The following TNNI3K variants were observed in gnomAD, a reference collection of about 807,000 sequenced individuals.
TNNI3K encodes the protein TNNI3 interacting kinase.
TNNI3K carries 140 observed loss-of-function variants against 114.5 expected under a neutral mutation model. The ratio of observed to expected loss-of-function variants is 1.22; its 90% confidence interval spans 1.07 to 1.41. The LOEUF is 1.41. Among genes scored for constraint, TNNI3K ranks in the 40% most tolerant of loss-of-function variants. The probability of loss-of-function intolerance (pLI) is 0.00; values close to 1 mark genes in which losing one functional copy is unlikely to be tolerated. For missense variants in TNNI3K, 1,125 were observed against 1,007.6 expected (o/e 1.12, Z -1.58); for synonymous variants, 347 against 347.5 (o/e 1.00, Z 0.02).
At chr1:74,297,686 A>G (rs1388883203) in intron 5 of TNNI3K, among the ~76,000 whole-genome samples, 2 of 151,960 alleles carry the variant, frequency 1.3e-5, no homozygotes, top group Admixed American at 6.6e-5. Context: ...GATTTCATTT[A>G]TTTTCATTTG....
At chr1:74,346,759 C>T (rs1434259344) in intron 9 of TNNI3K, among the ~76,000 whole-genome samples, 6 of 151,224 alleles carry the variant, frequency 4.0e-5, no homozygotes, top group African/African-American at 1.5e-4. Flanking sequence ...TTTATCATCT[C>T]ACAATTCTGG....
intron 9 of TNNI3K, among the ~76,000 whole-genome samples, chr1:74,349,614 G>T (rs977105335): frequency 1.3e-5 from 2 of 152,068 alleles, no homozygotes; most frequent in African/African-American, 4.8e-5. Context: ...ACTTTTTTTG[G>T]TTGGTAAGCT....
intron 17 of TNNI3K, among the ~76,000 whole-genome samples, chr1:74,414,356 T>C (rs1436179800): frequency 6.6e-6 from 1 of 152,130 alleles, no homozygotes; most frequent in Non-Finnish European, 1.5e-5. Flanking sequence ...AACAATAAAA[T>C]AAACATAGGA....
In TNNI3K at chr1:74,250,626, C is replaced by A. The variant is rs45487595; in HGVS notation, c.236-46C>A. On this transcript the variant is annotated intron_variant, in intron 3 of 24. Coordinates refer to ENST00000326637, the MANE Select transcript of TNNI3K (RefSeq NM_015978.3). ...TAGGTCAAAAAGAGTCTCAAACTCA[C>A]CCCATCCCCACAATGATTTAGCCTT... The A allele has an allele frequency of 0.011, 17,699 of 1,574,436 alleles. 1,570 individuals are homozygous for A. The African/African-American group carries it at 0.21, about 18-fold the overall frequency.
At chr1:74,265,523 C>T (rs1655920874) in intron 4 of TNNI3K, among the ~76,000 whole-genome samples, 1 of 151,982 alleles carries the variant, frequency 6.6e-6, no homozygotes, top group African/African-American at 2.4e-5. Context: ...CATCCTGCCA[C>T]ACTCTTCATA....
At chr1:74,239,398 G>A (rs1654049134) in intron 2 of TNNI3K, among the ~76,000 whole-genome samples, 1 of 152,048 alleles carries the variant, frequency 6.6e-6, no homozygotes, top group African/African-American at 2.4e-5. Flanking sequence ...TGTATGAAAT[G>A]ACATTTAAAT....
intron 5 of TNNI3K, among the ~76,000 whole-genome samples, chr1:74,299,128 A>G (rs1173780428): frequency 2.0e-5 from 3 of 152,128 alleles, no homozygotes; most frequent in Non-Finnish European, 4.4e-5. Flanking sequence ...AACAGAAATT[A>G]AAAACCTCCT....
chr1:74,383,986 G>A (rs1663341403), intron 17 of TNNI3K, among the ~76,000 whole-genome samples: 1 of 152,046 alleles, frequency 6.6e-6, no homozygotes, highest in Admixed American at 6.6e-5. Flanking sequence ...ATATAGGAAT[G>A]TATAGTCATT....
At chr1:74,277,155 A>G (rs1656733096) in intron 5 of TNNI3K, among the ~76,000 whole-genome samples, 1 of 152,168 alleles carries the variant, frequency 6.6e-6, no homozygotes, top group Admixed American at 6.6e-5. Context: ...GTACTTTATC[A>G]TTCACATACA....
At chr1:74,392,621 C>G (rs922681774) in intron 17 of TNNI3K, among the ~76,000 whole-genome samples, 1 of 152,118 alleles carries the variant, frequency 6.6e-6, no homozygotes, top group Non-Finnish European at 1.5e-5. Context: ...AAGGATAATC[C>G]TCCATTTCAT....
At chr1:74,314,049 A>T (rs542919) in intron 5 of TNNI3K, among the ~76,000 whole-genome samples, 140,579 of 141,812 alleles carry the variant, frequency 0.99, 69,696 homozygotes, top group Middle Eastern at 1. Flanking sequence ...AGTTCATTAT[A>T]TATATATATA....
chr1:74,507,339 T>C (rs1365867618), intron 23 of TNNI3K, among the ~76,000 whole-genome samples: 2 of 150,912 alleles, frequency 1.3e-5, no homozygotes, highest in Non-Finnish European at 3.0e-5. Context: ...TAGTTACCCA[T>C]CATGTTTGCT....
rs201361362 is a variant in TNNI3K, at chr1:74,271,713, G to A, written c.444+5G>A. 126 of 1,602,724 alleles carry A rather than the reference G, an allele frequency of 7.9e-5. No individual in the cohort carries two copies. In the South Asian group the frequency reaches 1.3e-3, roughly 17 times the overall value. On this transcript the variant is annotated splice_donor_5th_base_variant and intron_variant, in intron 5 of 24. Coordinates refer to ENST00000326637, the MANE Select transcript of TNNI3K (RefSeq NM_015978.3). ...ACAATAGCTGGCCACCTAGAGGTAA[G>A]TCATGCCTTTGGCACCTGTGAAAAC... is the stretch of plus-strand genomic sequence containing the variant.
At chr1:74,301,917 A>G (rs921998574) in intron 5 of TNNI3K, among the ~76,000 whole-genome samples, 5 of 152,218 alleles carry the variant, frequency 3.3e-5, no homozygotes, top group Non-Finnish European at 7.4e-5. Flanking sequence ...AGGAGAGCCA[A>G]CATGCCAACC....
intron 5 of TNNI3K, among the ~76,000 whole-genome samples, chr1:74,318,147 A>C (rs1232429464): frequency 6.6e-6 from 1 of 152,162 alleles, no homozygotes; most frequent in Non-Finnish European, 1.5e-5. Context: ...ATTGTCCTTC[A>C]TTGCCTGATG....
At chr1:74,355,669 A>G (rs1165321682) in intron 11 of TNNI3K, among the ~76,000 whole-genome samples, 3 of 152,136 alleles carry the variant, frequency 2.0e-5, no homozygotes, top group African/African-American at 7.2e-5. Context: ...AAGTCCATCA[A>G]TGAAAGGAGA....
intron 5 of TNNI3K, among the ~76,000 whole-genome samples, chr1:74,308,938 T>C (rs2100344517): frequency 6.6e-6 from 1 of 152,200 alleles, no homozygotes; most frequent in African/African-American, 2.4e-5. Flanking sequence ...CACCACCTCC[T>C]AAGACTGAAC....
intron 17 of TNNI3K, among the ~76,000 whole-genome samples, chr1:74,398,930 G>A (rs1483937172): frequency 6.6e-5 from 10 of 151,894 alleles, no homozygotes; most frequent in South Asian, 4.2e-4. Context: ...AGGCCAAGGC[G>A]GGTGGATCAA....
At chr1:74,346,637 C>T (rs1052655524) in intron 9 of TNNI3K, among the ~76,000 whole-genome samples, 8 of 149,538 alleles carry the variant, frequency 5.3e-5, no homozygotes, top group Admixed American at 4.1e-4. Flanking sequence ...GTTTCTTTGG[C>T]TCTCTTATAT....
Sources: allele counts gnomAD v4.1 joint callset (sites outside exome capture counted in the v4.1 genomes callset), GRCh38; gene constraint gnomAD v4.1.1; transcripts MANE v1.5; gene names NCBI Gene and HGNC (gene_info 2026-07-23, HGNC 2026-07-21).